PDE12: variants seen among roughly 807,000 people sequenced by gnomAD.
The protein encoded by PDE12 is phosphodiesterase 12.
PDE12 carries 26 observed loss-of-function variants against 45.4 expected under a neutral mutation model. That is an observed-to-expected ratio of 0.57 (90% CI 0.42 to 0.79). The LOEUF (loss-of-function observed/expected upper bound fraction) is 0.79. Among genes scored for constraint, PDE12 ranks in the 30% least tolerant of loss-of-function variants. PDE12 has a pLI of 0.00. For missense variants in PDE12, 668 were observed against 790.0 expected (o/e 0.85, Z 1.85); for synonymous variants, 283 against 323.9 (o/e 0.87, Z 1.36).
chr3:57,595,070 C>G, the PDE12 span, among the ~76,000 whole-genome samples: 1 of 152,160 alleles, frequency 6.6e-6, no homozygotes, highest in South Asian at 2.1e-4. Flanking sequence ...CTAAATCCTC[C>G]ACACAAATGC....
the PDE12 span, among the ~76,000 whole-genome samples, chr3:57,607,670 C>G: frequency 1.3e-5 from 2 of 151,788 alleles, no homozygotes; most frequent in African/African-American, 2.4e-5. Context: ...TGAAATGAAT[C>G]AAGAAGTTTA....
At chr3:57,592,308 G>A in the PDE12 span, among the ~76,000 whole-genome samples, 2 of 152,158 alleles carry the variant, frequency 1.3e-5, no homozygotes, top group South Asian at 2.1e-4. Context: ...GACCAATATG[G>A]TGAAACCCTC....
At chr3:57,646,840 T>C in the PDE12 span, among the ~76,000 whole-genome samples, 1 of 152,184 alleles carries the variant, frequency 6.6e-6, no homozygotes, top group Non-Finnish European at 1.5e-5. Flanking sequence ...TTATTGGATA[T>C]ACTTAACTTA....
chr3:57,642,865 G>T, the PDE12 span, among the ~76,000 whole-genome samples: 1 of 152,100 alleles, frequency 6.6e-6, no homozygotes, highest in Non-Finnish European at 1.5e-5. Flanking sequence ...AATTAGCCAG[G>T]TGTGGTGGCA....
At chr3:57,624,389 A>G in the PDE12 span, among the ~76,000 whole-genome samples, 6 of 151,804 alleles carry the variant, frequency 4.0e-5, no homozygotes, top group East Asian at 2.0e-4. Context: ...TGACCTTGTG[A>G]TCCACCCATC....
the PDE12 span, among the ~76,000 whole-genome samples, chr3:57,606,829 C>CA: frequency 1.1e-4 from 17 of 152,134 alleles, no homozygotes; most frequent in African/African-American, 4.1e-4. Context: ...CTCCAGTCTA[C>CA]AGCTCCCAGT....
chr3:57,598,029 G>A, the PDE12 span: 1 of 152,148 alleles, frequency 6.6e-6, no homozygotes, highest in Non-Finnish European at 1.5e-5. Flanking sequence ...CGTGTTCATC[G>A]GCTGTTGCTT....
At chr3:57,636,840 C>T in the PDE12 span, among the ~76,000 whole-genome samples, 1 of 147,760 alleles carries the variant, frequency 6.8e-6, no homozygotes, top group Non-Finnish European at 1.5e-5. Context: ...GGGAGGCTGA[C>T]ACAGGAGAAT....
the PDE12 span, chr3:57,598,307 T>C: frequency 6.6e-6 from 1 of 152,214 alleles, no homozygotes; most frequent in Non-Finnish European, 1.5e-5. Flanking sequence ...CTGTAGTTGC[T>C]TATTCCAACT....
At chr3:57,557,820 T>C in intron 1 of PDE12, 133 bp downstream of exon 1, 1 of 809,756 alleles carries the variant, frequency 1.2e-6, no homozygotes, top group Non-Finnish European at 1.9e-6. Context: ...CCCTTGTATC[T>C]TCAGCACAAA....
chr3:57,621,556 G>A, the PDE12 span, among the ~76,000 whole-genome samples: 1 of 152,082 alleles, frequency 6.6e-6, no homozygotes, highest in Non-Finnish European at 1.5e-5. Flanking sequence ...TGTAATCCCA[G>A]CTACTGGGGA....
chr3:57,632,437 C>T, the PDE12 span, among the ~76,000 whole-genome samples: 3 of 151,944 alleles, frequency 2.0e-5, no homozygotes, highest in Non-Finnish European at 4.4e-5. Flanking sequence ...CTCTTACCTT[C>T]GCCTCCCAAA....
chr3:57,628,508 A>G, the PDE12 span, among the ~76,000 whole-genome samples: 1 of 152,214 alleles, frequency 6.6e-6, no homozygotes, highest in East Asian at 1.9e-4. Context: ...TATTTAAACA[A>G]TTCGTTATTG....
the PDE12 span, chr3:57,628,204 T>C: frequency 9.4e-5 from 152 of 1,609,214 alleles, no homozygotes; most frequent in Non-Finnish European, 1.2e-4. Flanking sequence ...CTGGAAAATC[T>C]TGGCAAATAT....
At chr3:57,573,917 A>C in the PDE12 span, among the ~76,000 whole-genome samples, 5 of 150,254 alleles carry the variant, frequency 3.3e-5, no homozygotes, top group Admixed American at 6.7e-5. Context: ...GAGATATCTC[A>C]AACAGGCAAT....
At chr3:57,624,562 G>A in the PDE12 span, among the ~76,000 whole-genome samples, 4 of 151,792 alleles carry the variant, frequency 2.6e-5, no homozygotes, top group African/African-American at 9.7e-5. Context: ...TCAGGAGTTC[G>A]AGACCAGCCT....
chr3:57,577,294 G>T, the PDE12 span: 13 of 1,592,354 alleles, frequency 8.2e-6, no homozygotes, highest in African/African-American at 1.3e-5. Flanking sequence ...TGAAAATGAT[G>T]AATTTAAAGT....
At chr3:57,620,351 G>C in the PDE12 span, among the ~76,000 whole-genome samples, 8 of 151,576 alleles carry the variant, frequency 5.3e-5, 1 homozygote, top group South Asian at 1.5e-3. Context: ...AGGAGTTTGA[G>C]AGCACCCTCA....
chr3:57,567,924 C>T (rs1052467220), downstream of PDE12, among the ~76,000 whole-genome samples: 10 of 151,346 alleles, frequency 6.6e-5, no homozygotes, highest in Non-Finnish European at 1.2e-4. Context: ...AAAAATTAGC[C>T]GGACATGGTG....
Sources: gnomAD v4.1 joint callset for allele counts (sites outside exome capture counted in the v4.1 genomes callset) on GRCh38, gnomAD v4.1.1 for gene constraint, MANE v1.5 for transcripts, NCBI Gene and HGNC (gene_info 2026-07-23, HGNC 2026-07-21) for gene names.